Variants in ARHGEF17 observed in about 807,000 individuals in gnomAD.
ARHGEF17 encodes the protein Rho guanine nucleotide exchange factor 17, also known as 164 kDa Rho-specific guanine-nucleotide exchange factor.
A neutral mutation model predicts 174.0 loss-of-function variants in ARHGEF17; 80 were observed. The observed-to-expected ratio is 0.46, with a 90% CI of 0.38 to 0.55. The LOEUF (loss-of-function observed/expected upper bound fraction) is 0.55, where lower values mean the gene tolerates loss of function less well. Ranked by LOEUF, ARHGEF17 falls within the 20% of genes least tolerant of loss-of-function variation. The pLI, the probability that ARHGEF17 is intolerant of heterozygous loss-of-function variation, is 0.00. For missense variants in ARHGEF17, 2,886 were observed against 2,839.7 expected (o/e 1.02, Z -0.37); for synonymous variants, 1,311 against 1,189.1 (o/e 1.10, Z -2.11).
intron 1 of ARHGEF17, among the ~76,000 whole-genome samples, chr11:73,325,954 T>C (rs1320140918): frequency 6.6e-6 from 1 of 152,258 alleles, no homozygotes; most frequent in Non-Finnish European, 1.5e-5. Context: ...GACTGAGCCC[T>C]GACTGCACAG....
rs764909190 is a variant in ARHGEF17, at chr11:73,310,172, G to T, written c.1534G>T (p.Gly512Cys). The stretch of plus-strand genomic sequence containing the variant: ...TGGCAGAGACTCACCATCCGCAGGT[G>T]GCCCTGTGGGGCAACTTGAACCCAT... ...LDGRDSPSAG[G>C]PVGQLEPIPI... Residue 512 changes from glycine (G) to cysteine (C), a missense_variant, in exon 1 of 21, where the codon GGC becomes TGC. By Grantham distance (159) the Gly-to-Cys change is radical. Around this residue, in one of 4 missense-constraint regions of ARHGEF17, gnomAD observed 1,728 missense variants for 1,461.2 expected, o/e 1.18. Transcript: ENST00000263674. 6 of 1,613,948 alleles carry T rather than the reference G, an allele frequency of 3.7e-6. No homozygotes were observed. Among genetic ancestry groups the T allele is most frequent in the Non-Finnish European group, 4.2e-6 (5 of 1,180,010 alleles).
At chr11:73,361,453 G>A (rs569313058) in intron 12 of ARHGEF17, among the ~76,000 whole-genome samples, 2 of 152,260 alleles carry the variant, frequency 1.3e-5, no homozygotes, top group Admixed American at 6.5e-5. Context: ...ATGTACAGAG[G>A]TTACCAGCAT....
Position 73,308,337 on chromosome 11 carries a change from C to T in ARHGEF17, c.-302C>T. 3.0e-6 allele frequency: 1 copy of T among 328,714 alleles called. No homozygotes were observed. The highest frequency in any genetic ancestry group is 5.5e-6 in the Non-Finnish European group (1 of 181,470). 20.4% of individuals were successfully genotyped at this position (328,714 alleles called of 1,614,324 possible). On this transcript the variant is annotated 5_prime_UTR_variant, in exon 1 of 21. Transcript: ENST00000263674. ...GCAGGCGGACGCAGAGTCGAGGAAC[C>T]AAGCGCTGGGATCCCGCCCAGGCGG...
In ARHGEF17 at chr11:73,310,968, A is replaced by T; in HGVS notation, c.2330A>T (p.Glu777Val). The change falls in exon 1 of 21, where the codon GAG (glutamate) becomes GTG (valine). Residue 777 changes from glutamate to valine, a missense_variant. Glu to Val is a moderately radical substitution (Grantham distance 121, BLOSUM62 -2). Around this residue, in one of 4 missense-constraint regions of ARHGEF17, gnomAD observed 1,728 missense variants for 1,461.2 expected, o/e 1.18. Coordinates refer to ENST00000263674, the MANE Select transcript of ARHGEF17 (RefSeq NM_014786.4). ...TGLPATSAMD[E>V]GLTSGHSDWS... ...CTCCCTGCCACCTCAGCCATGGATG[A>T]GGGCTTGACCAGTGGTCACAGTGAC... is the stretch of plus-strand genomic sequence containing the variant. 1.2e-6 allele frequency: 2 copies of T among 1,614,138 alleles called. No homozygotes were observed. The highest frequency in any genetic ancestry group is 1.7e-6 in the Non-Finnish European group (2 of 1,179,996).
chr11:73,362,775 A>G (rs765135272), intron 14 of ARHGEF17, 41 bp downstream of exon 14: 22 of 1,574,618 alleles, frequency 1.4e-5, no homozygotes, highest in Non-Finnish European at 1.8e-5. Flanking sequence ...CTTGGCAGGC[A>G]GGGTGGACTG....
At chr11:73,339,042 C>T (rs1865328643) in intron 1 of ARHGEF17, among the ~76,000 whole-genome samples, 1 of 152,108 alleles carries the variant, frequency 6.6e-6, no homozygotes, top group Non-Finnish European at 1.5e-5. Flanking sequence ...CTCTGGGGCC[C>T]AGGCACTCTC....
In ARHGEF17 at chr11:73,311,645, C is replaced by T; in HGVS notation, c.3007C>T (p.Leu1003Phe). The part of the protein sequence containing the change: ...RAHPTLQAPS[L>F]EDVTKQYMLN... ...CCATCCCACGTTGCAGGCACCATCG[C>T]TCGAGGACGTCACCAAGCAGTACAT... Residue 1003 changes from leucine to phenylalanine, a missense_variant, in exon 1 of 21, where the codon CTC becomes TTC. Transcript: ENST00000263674. 6.2e-7 allele frequency: 1 copy of T among 1,613,382 alleles called. No individual in the cohort carries two copies. Among genetic ancestry groups the T allele is most frequent in the South Asian group, 1.1e-5 (1 of 91,092 alleles).
chr11:73,326,397 G>A (rs1865102223), intron 1 of ARHGEF17, among the ~76,000 whole-genome samples: 1 of 152,144 alleles, frequency 6.6e-6, no homozygotes, highest in Admixed American at 6.5e-5. Context: ...TAAAGGCCAG[G>A]CCTAAAAGCC....
At position 73,310,865 on chromosome 11, in the gene ARHGEF17, C is replaced by T. The variant is rs1046539421; in HGVS notation, c.2227C>T (p.Arg743Trp). ...GAGTGACCCAATTCCTCAGCGCCAC[C>T]GGGCTGCCACCTCTGAAGAGCCTAC... Reference protein sequence around the residue: ...SLSDPIPQRHRAATSEEPTGF... With the variant: ...SLSDPIPQRHWAATSEEPTGF... The change falls in exon 1 of 21, where the codon CGG becomes TGG. Residue 743 changes from arginine (R) to tryptophan (W), a missense_variant. Physicochemically the swap from Arg to Trp is moderately radical, Grantham distance 101. Transcript: ENST00000263674. 5.6e-6 allele frequency: 9 copies of T among 1,612,086 alleles called. No homozygotes were observed. Among genetic ancestry groups the T allele is most frequent in the East Asian group, 4.5e-5 (2 of 44,830 alleles).
rs1295099200 is a variant in ARHGEF17, at chr11:73,359,896, C to G, written c.4150C>G (p.Leu1384Val). ...GGCCATCAGCCGCCTTGATGAGGACCTCACCACCCTGGGCCAAATGAGCAA... is the reference window on the plus strand; with the variant it reads ...GGCCATCAGCCGCCTTGATGAGGACGTCACCACCCTGGGCCAAATGAGCAA... ...QKAISRLDED[L>V]TTLGQMSKLS... Residue 1384 changes from leucine to valine, a missense_variant, in exon 10 of 21, where the codon CTC (leucine) becomes GTC (valine). Physicochemically the swap from Leu to Val is conservative, Grantham distance 32 (BLOSUM62 1). Transcript: ENST00000263674. 6.2e-7 allele frequency: 1 copy of G among 1,613,624 alleles called. No homozygotes were observed. Among genetic ancestry groups the G allele is most frequent in the South Asian group, 1.1e-5 (1 of 91,024 alleles).
At chr11:73,344,089 G>A (rs911020161) in intron 1 of ARHGEF17, among the ~76,000 whole-genome samples, 1 of 152,164 alleles carries the variant, frequency 6.6e-6, no homozygotes, top group Non-Finnish European at 1.5e-5. Flanking sequence ...ATCCCCCAGT[G>A]CCCACCTCAG....
intron 1 of ARHGEF17, among the ~76,000 whole-genome samples, chr11:73,323,509 G>C (rs989721466): frequency 6.6e-6 from 1 of 152,224 alleles, no homozygotes; most frequent in African/African-American, 2.4e-5. Context: ...AGCCCTGGAG[G>C]CCTTCCTGAA....
chr11:73,365,616 C>T lies in ARHGEF17; in HGVS notation c.5725+52C>T, dbSNP rs545223109. 5.6e-5 allele frequency: 90 copies of T among 1,608,284 alleles called. 1 individual carries two copies. In the Middle Eastern group the frequency reaches 6.6e-4, roughly 12 times the overall value. ...CCTCCTTGGAGCCTTTCTGCCCGAT[C>T]GTAGAGGCGGCTGAGCCAGGGCCAG... On this transcript the variant is annotated intron_variant, in intron 19 of 20. Coordinates refer to ENST00000263674, the MANE Select transcript of ARHGEF17 (RefSeq NM_014786.4). This position sits in a 1 kb window ranked among gnomAD's most constrained non-coding sequence, Gnocchi z 4.9.
chr11:73,342,175 G>T (rs577701095), intron 1 of ARHGEF17, among the ~76,000 whole-genome samples: 3 of 151,300 alleles, frequency 2.0e-5, no homozygotes, highest in East Asian at 3.9e-4. Context: ...CAGTCTAGGG[G>T]TGGGAGCACA....
rs751113357 is a variant in ARHGEF17 at position 73,352,941 on chromosome 11, C to T, written c.3382C>T (p.Leu1128=). 3.1e-6 allele frequency: 5 copies of T among 1,614,032 alleles called. No individual in the cohort carries two copies. The African/African-American group carries it at 6.7e-5, about 22-fold the overall frequency. Residue 1128 remains leucine (L), a synonymous_variant, in exon 3 of 21, where the codon CTG becomes TTG. Coordinates refer to ENST00000263674, the MANE Select transcript of ARHGEF17 (RefSeq NM_014786.4). Reference sequence around the variant, plus strand: ...GCTCCTGGAGCACCACGAGCAATTCCTGGAGCAGGTTCGGCACTGCATGCA... The same window carrying T: ...GCTCCTGGAGCACCACGAGCAATTCTTGGAGCAGGTTCGGCACTGCATGCA... The part of the protein sequence containing the change: ...PELLEHHEQF[L]EQVRHCMQTW...
In ARHGEF17 at chr11:73,311,806, C is replaced by A. The variant is rs1864842707; in HGVS notation, c.3168C>A (p.Ser1056Arg). ...CTGCAGATGAGCCTACCCCTGCCAG[C>A]AAGTGCTGCAGCAAGCCACAGGTGG... ...ARPADEPTPA[S>R]KCCSKPQVDM... The change falls in exon 1 of 21, where the codon AGC becomes AGA. Residue 1056 changes from serine to arginine, a missense_variant. By Grantham distance (110) the Ser-to-Arg change is moderately radical. This residue lies in a region of ARHGEF17 where 353 missense variants were observed against 470.3 expected (regional missense o/e 0.75). Transcript: ENST00000263674. 6.2e-7 allele frequency: 1 copy of A among 1,605,556 alleles called. No individual in the cohort carries two copies. Among genetic ancestry groups the A allele is most frequent in the Non-Finnish European group, 8.5e-7 (1 of 1,174,214 alleles).
Position 73,308,927 on chromosome 11 carries a change from G to T in ARHGEF17, c.289G>T (p.Gly97Cys), listed in dbSNP as rs1199999281. The T allele has an allele frequency of 4.4e-6, 6 of 1,359,692 alleles. No homozygotes were observed. Among genetic ancestry groups the T allele is most frequent in the Non-Finnish European group, 5.6e-6 (6 of 1,062,018 alleles). 84.2% of individuals were successfully genotyped at this position (1,359,692 alleles called of 1,614,324 possible). A position where few individuals can be genotyped will look rare whatever the true frequency, so the allele number is the denominator to read the frequency against. ...RRFDAPRLDD[G>C]SAGTRDGGVL... ...CTTCGACGCGCCGCGTCTGGACGACGGCTCCGCTGGGACCCGAGACGGAGG... is the reference window on the plus strand; with the variant it reads ...CTTCGACGCGCCGCGTCTGGACGACTGCTCCGCTGGGACCCGAGACGGAGG... Residue 97 changes from glycine to cysteine, a missense_variant, in exon 1 of 21, where the codon GGC becomes TGC. Transcript: ENST00000263674.
chr11:73,330,037 T>A (rs1283891770), intron 1 of ARHGEF17, among the ~76,000 whole-genome samples: 1 of 152,244 alleles, frequency 6.6e-6, no homozygotes, highest in Admixed American at 6.5e-5. Context: ...TGAGCATCTT[T>A]TTCTATCTCC....
chr11:73,317,533 G>C (rs534278819), intron 1 of ARHGEF17, among the ~76,000 whole-genome samples: 1 of 152,348 alleles, frequency 6.6e-6, no homozygotes, highest in African/African-American at 2.4e-5. Flanking sequence ...GGTGGGGGAA[G>C]GGGGAGCCAA....
Sources: allele counts gnomAD v4.1 joint callset (sites outside exome capture counted in the v4.1 genomes callset), GRCh38; gene constraint gnomAD v4.1.1; regional missense constraint gnomAD v4.1.1; non-coding constraint Gnocchi (gnomAD v3.1); transcripts MANE v1.5; gene names NCBI Gene and HGNC (gene_info 2026-07-23, HGNC 2026-07-21).